The following FHIT variants were observed in gnomAD, a reference collection of about 807,000 sequenced individuals.
The protein encoded by FHIT is bis(5'-adenosyl)-triphosphatase.
Under a neutral mutation model 17.9 loss-of-function variants are expected in FHIT, and 19 were observed. The ratio of observed to expected loss-of-function variants is 1.06; its 90% CI spans 0.74 to 1.56. The LOEUF (loss-of-function observed/expected upper bound fraction) is 1.56. FHIT is among the 40% of genes most tolerant of loss of function. FHIT has a pLI of 0.00. For synonymous variants in FHIT, 81 were observed against 69.7 expected (o/e 1.16, Z -0.81); for missense variants, 248 against 189.2 (o/e 1.31, Z -1.82).
chr3:59,925,895 TA>T (rs1211547844), intron 7 of FHIT, among the ~76,000 whole-genome samples: 1 of 152,204 alleles, frequency 6.6e-6, no homozygotes, highest in African/African-American at 2.4e-5. Flanking sequence ...GGACTTCTAA[TA>T]GAATGACATT....
At chr3:60,768,892 C>T (rs986933250) in intron 4 of FHIT, among the ~76,000 whole-genome samples, 1 of 152,190 alleles carries the variant, frequency 6.6e-6, no homozygotes, top group Non-Finnish European at 1.5e-5. Context: ...ACCCTCCAGC[C>T]ACCTGGGGGC....
chr3:60,539,428 C>G (rs1559523817), intron 4 of FHIT, among the ~76,000 whole-genome samples: 2 of 152,136 alleles, frequency 1.3e-5, no homozygotes, highest in Non-Finnish European at 2.9e-5. Flanking sequence ...TTTGACCCAG[C>G]CATCCCATTA....
intron 7 of FHIT, among the ~76,000 whole-genome samples, chr3:59,964,861 T>C (rs114966080): frequency 6.6e-6 from 1 of 152,184 alleles, no homozygotes; most frequent in South Asian, 2.1e-4. Context: ...ATGCCACCAA[T>C]GTGAATATCA....
intron 5 of FHIT, among the ~76,000 whole-genome samples, chr3:60,176,455 T>C (rs1045095998): frequency 1.3e-5 from 2 of 152,198 alleles, no homozygotes; most frequent in Non-Finnish European, 2.9e-5. Context: ...CTCTCTAGCA[T>C]AGTTTACCTG....
chr3:60,400,536 C>T (rs1457819008), intron 5 of FHIT, among the ~76,000 whole-genome samples: 2 of 152,052 alleles, frequency 1.3e-5, no homozygotes, highest in Non-Finnish European at 2.9e-5. Flanking sequence ...AGCACTGGGG[C>T]TTGTAGGGAT....
rs1330405151 is a variant in FHIT, at chr3:60,711,010, C to T, written c.-18+110909G>A. Among the ~76,000 whole-genome samples, 7 of 152,312 alleles carry T rather than the reference C, an allele frequency of 4.6e-5. 1 individual carries two copies. The highest frequency in any genetic ancestry group is 3.9e-4 in the Admixed American group (6 of 15,308). On this transcript the variant is annotated intron_variant, in intron 4 of 9. Coordinates refer to ENST00000492590, the MANE Select transcript of FHIT (RefSeq NM_002012.4). ...GACCCCTGACCCCCGAGCAGCCTAA[C>T]AGGGAGGCACCCCCCAGTAGGGGCA...
At chr3:60,735,332 T>C (rs1158988076) in intron 4 of FHIT, among the ~76,000 whole-genome samples, 1 of 152,218 alleles carries the variant, frequency 6.6e-6, no homozygotes, top group Non-Finnish European at 1.5e-5. Flanking sequence ...GGGAATCCCC[T>C]TCTCCAGTTC....
chr3:61,019,995 C>G (rs2032326715), intron 3 of FHIT, among the ~76,000 whole-genome samples: 1 of 152,110 alleles, frequency 6.6e-6, no homozygotes. Context: ...AGGTATTTCT[C>G]CTAATGCTAT....
At chr3:60,076,740 T>C (rs561665686) in intron 5 of FHIT, among the ~76,000 whole-genome samples, 1 of 151,984 alleles carries the variant, frequency 6.6e-6, no homozygotes, top group Admixed American at 6.6e-5. Context: ...AAAATTAATT[T>C]TGAAGAGAAA....
rs542809092 is a variant in FHIT at position 61,143,865 on chromosome 3, A to AAAAC, written c.-164+56748_-164+56751dup. On this transcript the variant is annotated intron_variant, in intron 2 of 9. Coordinates refer to ENST00000492590, the MANE Select transcript of FHIT (RefSeq NM_002012.4). ...TGGGTGACAGAGCAAGACTCTGTCTAAAACAAACAAACAAACAAACAAAAC... is the reference window on the plus strand; with the variant it reads ...TGGGTGACAGAGCAAGACTCTGTCTAAAACAAACAAACAAACAAACAAACAAAAC... Among the ~76,000 whole-genome samples, 59 of 152,272 alleles carry AAAAC rather than the reference A, an allele frequency of 3.9e-4. 1 individual carries two copies. Among genetic ancestry groups the AAAAC allele is most frequent in the Middle Eastern group, 3.4e-3 (1 of 294 alleles).
intron 2 of FHIT, among the ~76,000 whole-genome samples, chr3:61,061,905 G>C (rs577788511): frequency 6.6e-6 from 1 of 152,078 alleles, no homozygotes; most frequent in East Asian, 1.9e-4. Context: ...TTAATAATTT[G>C]GCATGTACAT....
In FHIT at chr3:60,103,408, C is replaced by A. The variant is rs548973733; in HGVS notation, c.104-89256G>T. On this transcript the variant is annotated intron_variant, in intron 5 of 9. Coordinates refer to ENST00000492590, the MANE Select transcript of FHIT (RefSeq NM_002012.4). ...AAGACAGTGAAGTTCAAAGAAGTGA[C>A]CAAAGCAACATGCTTTTACACGTTT... Among the ~76,000 whole-genome samples the A allele has an allele frequency of 2.1e-4, 32 of 152,190 alleles. No individual in the cohort carries two copies. In the East Asian group the frequency reaches 5.4e-3, roughly 26 times the overall value.
At chr3:60,156,368 G>T (rs1403238732) in intron 5 of FHIT, among the ~76,000 whole-genome samples, 1 of 151,102 alleles carries the variant, frequency 6.6e-6, no homozygotes, top group Non-Finnish European at 1.5e-5. Context: ...AAAAAAATTA[G>T]ATATTTAAAA....
chr3:60,531,423 C>T (rs3856655), intron 5 of FHIT, among the ~76,000 whole-genome samples: 2 of 151,338 alleles, frequency 1.3e-5, no homozygotes, highest in African/African-American at 4.9e-5. Flanking sequence ...GGACTACAGG[C>T]GCCCGCTACC....
intron 5 of FHIT, among the ~76,000 whole-genome samples, chr3:60,374,795 T>C (rs1277449445): frequency 6.6e-6 from 1 of 152,056 alleles, no homozygotes; most frequent in African/African-American, 2.4e-5. Context: ...GACGTGATAA[T>C]AGTTGTGTGG....
rs1215024065 is a variant in FHIT at position 59,748,745 on chromosome 3, C to G, written c.*840G>C. On this transcript the variant is annotated 3_prime_UTR_variant, in exon 10 of 10. Coordinates refer to ENST00000492590, the MANE Select transcript of FHIT (RefSeq NM_002012.4). ...AGAATGGCCTTTAGGGTGGGACTGC[C>G]TGGATTCAAATCTGAGCTTTGCCAC... Among the ~76,000 whole-genome samples the G allele has an allele frequency of 1.3e-5, 2 of 152,038 alleles. No individual in the cohort carries two copies. The highest frequency in any genetic ancestry group is 2.9e-5 in the Non-Finnish European group (2 of 67,992).
intron 1 of FHIT, among the ~76,000 whole-genome samples, chr3:61,221,996 G>T (rs908147149): frequency 3.9e-5 from 6 of 152,196 alleles, no homozygotes; most frequent in Non-Finnish European, 7.4e-5. Context: ...CTCCACTGCA[G>T]GGTCAGGCAG....
intron 5 of FHIT, among the ~76,000 whole-genome samples, chr3:60,166,623 C>T (rs1336801646): frequency 6.6e-6 from 1 of 152,120 alleles, no homozygotes; most frequent in Non-Finnish European, 1.5e-5. Context: ...AAAGATGAAT[C>T]CCAGCAATCT....
At chr3:60,283,242 CAT>C (rs1491031869) in intron 5 of FHIT, among the ~76,000 whole-genome samples, 1 of 151,966 alleles carries the variant, frequency 6.6e-6, no homozygotes, top group African/African-American at 2.4e-5. Context: ...CACACACACA[CAT>C]ACACACACAC....
Sources: allele counts gnomAD v4.1 joint callset (sites outside exome capture counted in the v4.1 genomes callset), GRCh38; gene constraint gnomAD v4.1.1; transcripts MANE v1.5; gene names NCBI Gene and HGNC (gene_info 2026-07-23, HGNC 2026-07-21).